The following CACNA1C variants were observed in gnomAD, a reference collection of about 807,000 sequenced individuals.
The protein encoded by CACNA1C is calcium voltage-gated channel subunit alpha1 C, also known as voltage-dependent L-type calcium channel subunit alpha-1C.
A neutral mutation model predicts 229.0 loss-of-function variants in CACNA1C; 30 were observed. The observed-to-expected ratio is 0.13, with a 90% CI of 0.10 to 0.18. The LOEUF is 0.18. CACNA1C is among the 10% of genes least tolerant of loss of function. CACNA1C has a pLI of 1.00. For synonymous variants in CACNA1C, 1,114 were observed against 1,132.5 expected, an observed-to-expected ratio of 0.98 and a Z score of 0.33; for missense variants, 1,658 against 2,845.0, an observed-to-expected ratio of 0.58 and a Z score of 9.49.
At chr12:2,173,457 G>A (rs773422551) in intron 3 of CACNA1C, among the ~76,000 whole-genome samples, 1 of 152,172 alleles carries the variant, frequency 6.6e-6, no homozygotes, top group Admixed American at 6.5e-5. Context: ...AAGGAAAGGC[G>A]GCAGATTATG....
At chr12:2,357,558 A>T (rs1221711446) in intron 3 of CACNA1C, among the ~76,000 whole-genome samples, 7 of 151,870 alleles carry the variant, frequency 4.6e-5, no homozygotes, top group African/African-American at 1.7e-4. Flanking sequence ...GTGAACAAAG[A>T]GGCTAACCAA....
At chr12:2,140,742 T>C (rs2094089473) in intron 3 of CACNA1C, among the ~76,000 whole-genome samples, 1 of 151,426 alleles carries the variant, frequency 6.6e-6, no homozygotes, top group African/African-American at 2.4e-5. Flanking sequence ...AAATGCCTAC[T>C]GTGTACCAGG....
At chr12:2,316,064 T>C (rs116765883) in intron 3 of CACNA1C, among the ~76,000 whole-genome samples, 126 of 152,354 alleles carry the variant, frequency 8.3e-4, no homozygotes, top group African/African-American at 2.7e-3. Context: ...AGCACCTTCA[T>C]GGACAGAGAG....
At chr12:2,513,130 T>C in intron 9 of CACNA1C, 146 bp downstream of exon 9, 1 of 556,686 alleles carries the variant, frequency 1.8e-6, no homozygotes, top group Non-Finnish European at 3.2e-6. Flanking sequence ...CTGATGGCAG[T>C]CACTTGCTGC....
At chr12:2,378,427 G>GC (rs1028958891) in intron 3 of CACNA1C, among the ~76,000 whole-genome samples, 1 of 152,100 alleles carries the variant, frequency 6.6e-6, no homozygotes, top group Non-Finnish European at 1.5e-5. Context: ...GGACTGTGCC[G>GC]CCACAAAAGC....
chr12:2,645,171 A>G (rs1046659483), intron 30 of CACNA1C, among the ~76,000 whole-genome samples: 28 of 152,214 alleles, frequency 1.8e-4, no homozygotes, highest in African/African-American at 6.8e-4. Context: ...CATATGAAAA[A>G]TCAGCCAGAA....
chr12:2,294,251 G>A (rs1387712699), intron 3 of CACNA1C, among the ~76,000 whole-genome samples: 1 of 152,128 alleles, frequency 6.6e-6, no homozygotes, highest in Non-Finnish European at 1.5e-5. Flanking sequence ...TCTTAAAGAC[G>A]AGCAGGAGTC....
intron 3 of CACNA1C, among the ~76,000 whole-genome samples, chr12:2,211,065 A>C (rs1399195171): frequency 2.6e-5 from 4 of 152,228 alleles, no homozygotes; most frequent in Non-Finnish European, 5.9e-5. Flanking sequence ...TAGTGTCAGG[A>C]CTGACTTTTC....
intron 1 of CACNA1C, among the ~76,000 whole-genome samples, chr12:2,046,979 T>G (rs765124): frequency 0.075 from 11,416 of 152,230 alleles, 998 homozygotes; most frequent in East Asian, 0.47. Context: ...GAAAGGCCAT[T>G]CTGCACCCTC....
At chr12:2,043,005 G>A (rs917365) in intron 1 of CACNA1C, among the ~76,000 whole-genome samples, 60,569 of 152,018 alleles carry the variant, frequency 0.4, 13,527 homozygotes, top group East Asian at 0.67. Flanking sequence ...GTTTTGGGGT[G>A]TTTCATCTGG....
At chr12:2,238,425 C>T (rs575674905) in intron 3 of CACNA1C, among the ~76,000 whole-genome samples, 197 of 152,344 alleles carry the variant, frequency 1.3e-3, no homozygotes, top group African/African-American at 4.6e-3. Context: ...TCGGAAGTTT[C>T]TCACATTCCT....
chr12:2,505,979 T>G (rs1363090376), intron 8 of CACNA1C, among the ~76,000 whole-genome samples: 1 of 151,974 alleles, frequency 6.6e-6, no homozygotes, highest in Non-Finnish European at 1.5e-5. Flanking sequence ...CTCTCCACTT[T>G]CCCCCAGTAC....
intron 1 of CACNA1C, among the ~76,000 whole-genome samples, chr12:1,990,250 T>C (rs759124343): frequency 2.8e-4 from 42 of 152,346 alleles, no homozygotes; most frequent in Non-Finnish European, 5.4e-4. Context: ...AACATAGTGT[T>C]TGGCAGACAG....
At chr12:2,349,457 A>C (rs1469230491) in intron 3 of CACNA1C, among the ~76,000 whole-genome samples, 1 of 152,178 alleles carries the variant, frequency 6.6e-6, no homozygotes, top group Non-Finnish European at 1.5e-5. Context: ...CAGGTGAAAT[A>C]AACATTTTAC....
chr12:2,176,381 T>C (rs947872786), intron 3 of CACNA1C, among the ~76,000 whole-genome samples: 1 of 151,908 alleles, frequency 6.6e-6, no homozygotes, highest in African/African-American at 2.4e-5. Context: ...TTCCCCTGGA[T>C]GAGATGGGCA....
chr12:2,184,943 G>A (rs547074633), intron 3 of CACNA1C, among the ~76,000 whole-genome samples: 7 of 152,300 alleles, frequency 4.6e-5, no homozygotes, highest in Admixed American at 2.6e-4. Context: ...ATTGAACTGG[G>A]GTTAAAGTCC....
At chr12:2,419,447 C>G (rs1254167991) in intron 3 of CACNA1C, among the ~76,000 whole-genome samples, 5 of 152,132 alleles carry the variant, frequency 3.3e-5, no homozygotes, top group Non-Finnish European at 5.9e-5. Context: ...AGGCCCACCT[C>G]CAGTCCTCCA....
chr12:2,165,859 A>G (rs1027712996), intron 3 of CACNA1C, among the ~76,000 whole-genome samples: 7 of 152,314 alleles, frequency 4.6e-5, no homozygotes, highest in East Asian at 3.9e-4. Context: ...TGTCTTGACA[A>G]TTGTGTTTAA....
chr12:2,485,451 G>A (rs571797996), intron 5 of CACNA1C, among the ~76,000 whole-genome samples: 72 of 152,256 alleles, frequency 4.7e-4, no homozygotes, highest in Non-Finnish European at 7.6e-4. Context: ...CCCATAGACC[G>A]CGGTGCAAGC....
Sources: allele counts gnomAD v4.1 joint callset (sites outside exome capture counted in the v4.1 genomes callset), GRCh38; gene constraint gnomAD v4.1.1; transcripts MANE v1.5; gene names NCBI Gene and HGNC (gene_info 2026-07-23, HGNC 2026-07-21).